RYR3: variants seen among roughly 807,000 people sequenced by gnomAD.
The protein encoded by RYR3 is brain ryanodine receptor-calcium release channel.
RYR3 carries 207 observed loss-of-function variants against 584.3 expected under a neutral mutation model. That is an observed-to-expected ratio of 0.35 (90% CI 0.32 to 0.40). The LOEUF is 0.40. Ranked by LOEUF, RYR3 falls within the 10% of genes least tolerant of loss-of-function variation. The pLI is 1.00. For missense variants in RYR3, 5,616 were observed against 6,089.2 expected (o/e 0.92, Z 2.59); for synonymous variants, 2,416 against 2,248.5 (o/e 1.07, Z -2.11).
chr15:33,738,596 G>A lies in RYR3; in HGVS notation c.7656+6G>A. The stretch of plus-strand genomic sequence containing the variant: ...TTGACTCGCTCTCCCATAAGGTAAT[G>A]ACAGTACTTTCTGAACAAAAAGAGA... On this transcript the variant is annotated splice_donor_region_variant and intron_variant, in intron 50 of 103. Coordinates refer to ENST00000634891, the MANE Select transcript of RYR3 (RefSeq NM_001036.6). 1 of 1,613,830 alleles carries A rather than the reference G, an allele frequency of 6.2e-7. No homozygotes were observed. The highest frequency in any genetic ancestry group is 1.7e-5 in the Admixed American group (1 of 60,024).
chr15:33,752,231 A>T (rs1040339105), intron 57 of RYR3, among the ~76,000 whole-genome samples: 2 of 152,138 alleles, frequency 1.3e-5, no homozygotes, highest in African/African-American at 4.8e-5. Context: ...TTTGTTCCAT[A>T]TGAAATTTAA....
intron 99 of RYR3, 126 bp from the exon 100 acceptor site, chr15:33,859,449 C>G (rs1433367689): frequency 2.1e-6 from 2 of 972,674 alleles, no homozygotes; most frequent in African/African-American, 3.2e-5. Context: ...ACTGGCACCT[C>G]TGAAGAGTTC....
chr15:33,342,631 A>G (rs535924290), intron 1 of RYR3, among the ~76,000 whole-genome samples: 1 of 152,280 alleles, frequency 6.6e-6, no homozygotes, highest in East Asian at 1.9e-4. Flanking sequence ...AATTAAAGCC[A>G]ATTTGTATTA....
intron 36 of RYR3, among the ~76,000 whole-genome samples, chr15:33,665,361 G>C (rs1479788411): frequency 6.6e-6 from 1 of 152,182 alleles, no homozygotes; most frequent in Non-Finnish European, 1.5e-5. Context: ...CATTTAGATT[G>C]CTTTGTGTGA....
At chr15:33,539,487 C>A in intron 6 of RYR3, 25 bp downstream of exon 6, 2 of 1,434,154 alleles carry the variant, frequency 1.4e-6, no homozygotes, top group South Asian at 1.2e-5. Flanking sequence ...ATATAAGAGT[C>A]TTCTGTTTTC....
chr15:33,316,409 GT>G (rs1199885378), intron 1 of RYR3, among the ~76,000 whole-genome samples: 1 of 152,242 alleles, frequency 6.6e-6, no homozygotes, highest in East Asian at 1.9e-4. Flanking sequence ...GACCCAGGCG[GT>G]CCTAGGTCTT....
chr15:33,519,451 G>A (rs907695245), intron 3 of RYR3, among the ~76,000 whole-genome samples: 2 of 152,064 alleles, frequency 1.3e-5, no homozygotes, highest in Admixed American at 6.5e-5. Context: ...GGATGCTTCC[G>A]AGAACACAGA....
At chr15:33,392,598 G>A (rs936955618) in intron 1 of RYR3, among the ~76,000 whole-genome samples, 18 of 152,036 alleles carry the variant, frequency 1.2e-4, no homozygotes, top group Non-Finnish European at 2.4e-4. Flanking sequence ...TTTAGTTGAA[G>A]GCTACTCCCT....
At chr15:33,758,341 C>T (rs1375532520) in intron 60 of RYR3, among the ~76,000 whole-genome samples, 1 of 152,180 alleles carries the variant, frequency 6.6e-6, no homozygotes, top group Non-Finnish European at 1.5e-5. Context: ...GCCAAGTAGA[C>T]TTGCTCAGCG....
intron 31 of RYR3, among the ~76,000 whole-genome samples, chr15:33,651,172 C>A (rs910546282): frequency 6.6e-6 from 1 of 152,206 alleles, no homozygotes; most frequent in Non-Finnish European, 1.5e-5. Flanking sequence ...ATTCTTACTT[C>A]TTTGTCCTAT....
At chr15:33,762,074 ACACT>A (rs1468875369) in intron 60 of RYR3, among the ~76,000 whole-genome samples, 1 of 152,192 alleles carries the variant, frequency 6.6e-6, no homozygotes, top group Non-Finnish European at 1.5e-5. Context: ...CATGCTAAAA[ACACT>A]CAATAAACTA....
chr15:33,479,486 CTT>C (rs376160496), intron 2 of RYR3, among the ~76,000 whole-genome samples: 9 of 135,818 alleles, frequency 6.6e-5, no homozygotes, highest in Non-Finnish European at 8.1e-5. Flanking sequence ...GAGATTTTGA[CTT>C]TTTTTTTTTT....
At chr15:33,668,644 CTT>C (rs965753650) in intron 36 of RYR3, among the ~76,000 whole-genome samples, 6 of 152,098 alleles carry the variant, frequency 3.9e-5, no homozygotes, top group African/African-American at 1.4e-4. Context: ...TGTGTTAACT[CTT>C]ATTACTGTAA....
At chr15:33,511,605 T>TA (rs561000642) in intron 3 of RYR3, among the ~76,000 whole-genome samples, 3 of 149,908 alleles carry the variant, frequency 2.0e-5, no homozygotes, top group African/African-American at 4.9e-5. Context: ...GTCTCTGCAA[T>TA]TAAAAAAAAA....
At chr15:33,643,511 C>T (rs2061943504) in intron 27 of RYR3, among the ~76,000 whole-genome samples, 1 of 152,174 alleles carries the variant, frequency 6.6e-6, no homozygotes. Flanking sequence ...AAGAGAGGAG[C>T]TTTCTCTGGC....
At chr15:33,514,437 C>T (rs2053320237) in intron 3 of RYR3, among the ~76,000 whole-genome samples, 1 of 152,114 alleles carries the variant, frequency 6.6e-6, no homozygotes, top group East Asian at 1.9e-4. Flanking sequence ...ACGGAGGTTT[C>T]TTCTAAGGAA....
rs369048444 is a variant in RYR3 at position 33,838,841 on chromosome 15, G to C, written c.12861G>C (p.Lys4287Asn). The C allele has an allele frequency of 4.3e-6, 7 of 1,613,884 alleles. No homozygotes were observed. In the African/African-American group the frequency reaches 8.0e-5, roughly 18 times the overall value. Residue 4287 changes from lysine to asparagine, a missense_variant, in exon 89 of 104, where the codon AAG (lysine) becomes AAC (asparagine). Transcript: ENST00000634891. ...IMSDLFGLHP[K>N]KEGSLKHGPE... ...CAGACCTCTTTGGACTCCACCCAAA[G>C]AAAGAGGGCAGCTTAAAGCATGGGC... is the stretch of plus-strand genomic sequence containing the variant.
chr15:33,406,412 T>A (rs2043020615), intron 1 of RYR3, among the ~76,000 whole-genome samples: 1 of 152,208 alleles, frequency 6.6e-6, no homozygotes, highest in Non-Finnish European at 1.5e-5. Context: ...CTGGCCTCAC[T>A]CCACTTCCAT....
chr15:33,660,120 C>T, intron 33 of RYR3, 77 bp from the exon 34 acceptor site: 1 of 938,974 alleles, frequency 1.1e-6, no homozygotes. Context: ...TTATACTGGC[C>T]ATATCGGTTA....
Sources: allele counts gnomAD v4.1 joint callset (sites outside exome capture counted in the v4.1 genomes callset), GRCh38; gene constraint gnomAD v4.1.1; transcripts MANE v1.5; gene names NCBI Gene and HGNC (gene_info 2026-07-23, HGNC 2026-07-21).